The following TTC7B variants were observed in gnomAD, a reference collection of about 807,000 sequenced individuals.
TTC7B encodes tetratricopeptide repeat domain 7B.
Under a neutral mutation model 106.8 loss-of-function variants are expected in TTC7B, and 28 were observed. That is an observed-to-expected ratio of 0.26 (90% CI 0.19 to 0.36). The LOEUF is 0.36. Among genes scored for constraint, TTC7B ranks in the 10% least tolerant of loss-of-function variants. The pLI is 1.00. For missense variants in TTC7B, 862 were observed against 1,076.4 expected (o/e 0.80, Z 2.79); for synonymous variants, 405 against 430.6 (o/e 0.94, Z 0.74).
At chr14:90,635,848 G>A (rs979434687) in intron 15 of TTC7B, among the ~76,000 whole-genome samples, 7 of 149,478 alleles carry the variant, frequency 4.7e-5, no homozygotes, top group East Asian at 2.0e-4. Flanking sequence ...GGCCGAGTGC[G>A]GTGGCTCACG....
At position 90,624,518 on chromosome 14, in the gene TTC7B, A is replaced by G. The variant is rs2139857127; in HGVS notation, c.1752-6473T>C. On this transcript the variant is annotated intron_variant, in intron 15 of 19. Transcript: ENST00000328459. This position sits in a 1 kb window ranked among gnomAD's most constrained non-coding sequence, Gnocchi z 4.0. ...ATGCACCTCTAGTACCTCACACCCTAGTTTAGTTTTAGCCTTGGCCCCACC... is the reference window on the plus strand; with the variant it reads ...ATGCACCTCTAGTACCTCACACCCTGGTTTAGTTTTAGCCTTGGCCCCACC... 6.6e-6 allele frequency among the ~76,000 whole-genome samples: 1 copy of G among 152,254 alleles called. No individual in the cohort carries two copies. Among genetic ancestry groups the G allele is most frequent in the South Asian group, 2.1e-4 (1 of 4,830 alleles).
chr14:90,554,920 T>A (rs1308757477), intron 19 of TTC7B, among the ~76,000 whole-genome samples: 1 of 152,128 alleles, frequency 6.6e-6, no homozygotes, highest in African/African-American at 2.4e-5. Context: ...GATCGACTCT[T>A]AGTGATCACA....
At chr14:90,666,998 C>T (rs1886437461) in intron 9 of TTC7B, among the ~76,000 whole-genome samples, 1 of 152,234 alleles carries the variant, frequency 6.6e-6, no homozygotes, top group Non-Finnish European at 1.5e-5. Flanking sequence ...CTGTTCCTTG[C>T]AAAATGCAGT....
chr14:90,752,861 A>T (rs2140008901), intron 3 of TTC7B, among the ~76,000 whole-genome samples: 1 of 152,360 alleles, frequency 6.6e-6, no homozygotes, highest in Middle Eastern at 3.4e-3. Context: ...GTTCAATAAC[A>T]GCAATGACAA....
At chr14:90,786,672 C>T (rs1418419040) in intron 1 of TTC7B, among the ~76,000 whole-genome samples, 9 of 152,216 alleles carry the variant, frequency 5.9e-5, no homozygotes, top group South Asian at 2.1e-4. Flanking sequence ...CTCCACCTCC[C>T]GGGTTCAAGC....
Position 90,586,909 on chromosome 14 carries a change from C to A in TTC7B, c.2107+6577G>T, listed in dbSNP as rs146926435. On this transcript the variant is annotated intron_variant, in intron 18 of 19. Transcript: ENST00000328459. ...GTCACCAGTCACCCACAGACTCAAGCCCCACACTCAGGTTTCCTTCTGTAT... is the reference window on the plus strand; with the variant it reads ...GTCACCAGTCACCCACAGACTCAAGACCCACACTCAGGTTTCCTTCTGTAT... Among the ~76,000 whole-genome samples, 455 of 152,286 alleles carry A rather than the reference C, an allele frequency of 3.0e-3. 4 individuals carry two copies. The highest frequency in any genetic ancestry group is 0.01 in the Admixed American group (153 of 15,294).
Position 90,584,719 on chromosome 14 carries a change from C to T in TTC7B, c.2108-6411G>A, listed in dbSNP as rs188774754. Among the ~76,000 whole-genome samples the T allele has an allele frequency of 1.1e-4, 17 of 152,082 alleles. 1 individual carries two copies. The East Asian group carries it at 1.9e-3, about 17-fold the overall frequency. ...CATGGCAGTAGGTACCTCCCGACCT[C>T]GCAGCTCAAGCCGGCAGCCTCCCTG... On this transcript the variant is annotated intron_variant, in intron 18 of 19. Transcript: ENST00000328459.
At chr14:90,635,480 GC>G (rs1269160653) in intron 15 of TTC7B, among the ~76,000 whole-genome samples, 1 of 151,964 alleles carries the variant, frequency 6.6e-6, no homozygotes, top group Non-Finnish European at 1.5e-5. Flanking sequence ...GTATATATAG[GC>G]CGGGCGCAGT....
chr14:90,605,836 T>G (rs1414952630), intron 17 of TTC7B: 1 of 1,074,314 alleles, frequency 9.3e-7, no homozygotes, highest in Non-Finnish European at 1.2e-6. Context: ...TAAACTCGCT[T>G]TTAATATACT....
chr14:90,800,297 CTGAG>C (rs1156883443), intron 1 of TTC7B, among the ~76,000 whole-genome samples: 2 of 152,124 alleles, frequency 1.3e-5, no homozygotes, highest in Non-Finnish European at 2.9e-5. Flanking sequence ...GAGAAATAGA[CTGAG>C]TGGGGACATC....
intron 3 of TTC7B, among the ~76,000 whole-genome samples, chr14:90,758,823 G>A (rs1890407038): frequency 6.6e-6 from 1 of 152,206 alleles, no homozygotes; most frequent in African/African-American, 2.4e-5. Context: ...CCAGGAAGCA[G>A]GCACCCCTCA....
intron 18 of TTC7B, 49 bp downstream of exon 18, chr14:90,593,437 G>T: frequency 6.6e-7 from 1 of 1,517,216 alleles, no homozygotes; most frequent in South Asian, 1.3e-5. Context: ...GGGTGGGGCG[G>T]AGCCCAGGCT....
intron 19 of TTC7B, among the ~76,000 whole-genome samples, chr14:90,573,919 G>C (rs906062562): frequency 6.6e-6 from 1 of 152,166 alleles, no homozygotes; most frequent in African/African-American, 2.4e-5. Context: ...TCCCTTCCAT[G>C]TTCTTCTCTC....
chr14:90,722,551 C>T (rs1381400181), intron 5 of TTC7B, among the ~76,000 whole-genome samples: 1 of 152,188 alleles, frequency 6.6e-6, no homozygotes, highest in Non-Finnish European at 1.5e-5. Context: ...CCAGCATGAA[C>T]TCCACCTTAG....
intron 18 of TTC7B, among the ~76,000 whole-genome samples, chr14:90,590,141 T>G (rs1406326234): frequency 1.3e-5 from 2 of 152,156 alleles, no homozygotes; most frequent in Non-Finnish European, 2.9e-5. Context: ...GCTTTTCAAT[T>G]GTGTGCCATG....
chr14:90,611,410 T>C (rs1892868196), intron 16 of TTC7B, among the ~76,000 whole-genome samples: 1 of 152,172 alleles, frequency 6.6e-6, no homozygotes, highest in Non-Finnish European at 1.5e-5. Context: ...AGCTGCTGGA[T>C]TCAAGAACCC....
At chr14:90,731,669 C>G (rs927782576) in intron 4 of TTC7B, among the ~76,000 whole-genome samples, 1 of 152,180 alleles carries the variant, frequency 6.6e-6, no homozygotes, top group Non-Finnish European at 1.5e-5. Context: ...CATTTCCACC[C>G]ACTACAGGCT....
intron 17 of TTC7B, 99 bp from the exon 18 acceptor site, chr14:90,593,725 T>A: frequency 8.4e-7 from 1 of 1,191,080 alleles, no homozygotes; most frequent in African/African-American, 1.5e-5. Context: ...CACACACCCC[T>A]TCCCCCATGA....
chr14:90,643,299 T>C (rs1885267639), intron 15 of TTC7B, among the ~76,000 whole-genome samples: 1 of 151,582 alleles, frequency 6.6e-6, no homozygotes, highest in African/African-American at 2.4e-5. Context: ...TCCCAGCTAC[T>C]AGGGAAGCTG....
Sources: gnomAD v4.1 joint callset for allele counts (sites outside exome capture counted in the v4.1 genomes callset) on GRCh38, gnomAD v4.1.1 for gene constraint, Gnocchi (gnomAD v3.1) non-coding constraint, MANE v1.5 for transcripts, NCBI Gene and HGNC (gene_info 2026-07-23, HGNC 2026-07-21) for gene names.